MAP2K3: variants seen among roughly 807,000 people sequenced by gnomAD.
MAP2K3 encodes mitogen-activated protein kinase kinase 3.
A neutral mutation model predicts 46.4 loss-of-function variants in MAP2K3; 30 were observed. That is an observed-to-expected ratio of 0.65 (90% CI 0.48 to 0.88). The LOEUF (loss-of-function observed/expected upper bound fraction) is 0.88, where lower values mean the gene tolerates loss of function less well. Among genes scored for constraint, MAP2K3 ranks in the 40% least tolerant of loss-of-function variants. The pLI is 0.00. For synonymous variants in MAP2K3, 189 were observed against 176.3 expected, an observed-to-expected ratio of 1.07 and a Z score of -0.57; for missense variants, 380 against 464.5, an observed-to-expected ratio of 0.82 and a Z score of 1.67.
rs369450276 is a variant in MAP2K3, at chr17:21,310,959, G to A, written c.775-1183G>A. 5.3e-5 allele frequency among the ~76,000 whole-genome samples: 8 copies of A among 152,326 alleles called. No individual in the cohort carries two copies. The East Asian group carries it at 5.8e-4, about 11-fold the overall frequency. On this transcript the variant is annotated intron_variant, in intron 9 of 11. Transcript: ENST00000342679. ...GCCGCTGGTCCTTCTCCTGTAGCTC[G>A]TATGGGGTACTTGCTCTACATATTG...
intron 1 of MAP2K3, among the ~76,000 whole-genome samples, chr17:21,297,097 T>G (rs1251222558): frequency 6.6e-6 from 1 of 152,310 alleles, no homozygotes; most frequent in African/African-American, 2.4e-5. Context: ...CTATTCTGTT[T>G]CCTGTTGTTC....
At chr17:21,293,848 G>C (rs1325724535) in intron 1 of MAP2K3, among the ~76,000 whole-genome samples, 1 of 152,312 alleles carries the variant, frequency 6.6e-6, no homozygotes, top group South Asian at 2.1e-4. Context: ...TGGTTAGATG[G>C]GAGAACCTTC....
chr17:21,295,964 T>C, intron 1 of MAP2K3: 1 of 1,258,298 alleles, frequency 7.9e-7, no homozygotes, highest in Non-Finnish European at 1.0e-6. Context: ...AGGGTCTCTG[T>C]GCAGAGCTTT....
At chr17:21,297,601 G>A (rs138100344) in intron 1 of MAP2K3, among the ~76,000 whole-genome samples, 26 of 152,406 alleles carry the variant, frequency 1.7e-4, no homozygotes, top group Non-Finnish European at 2.2e-4. Flanking sequence ...TGACTACAGG[G>A]AGCTCTCTCT....
intron 3 of MAP2K3, among the ~76,000 whole-genome samples, chr17:21,299,586 G>A (rs1976471655): frequency 6.6e-6 from 1 of 152,276 alleles, no homozygotes; most frequent in African/African-American, 2.4e-5. Context: ...AGAGTATGAG[G>A]TAGGAGGATT....
At chr17:21,304,184 G>T (rs531035549) in intron 7 of MAP2K3, among the ~76,000 whole-genome samples, 3 of 152,310 alleles carry the variant, frequency 2.0e-5, no homozygotes, top group African/African-American at 7.2e-5. Context: ...TGGCCGGGCC[G>T]GGCTGGGCAC....
At chr17:21,307,251 A>G (rs1382834544) in intron 9 of MAP2K3, among the ~76,000 whole-genome samples, 2 of 152,304 alleles carry the variant, frequency 1.3e-5, no homozygotes, top group African/African-American at 4.8e-5. Context: ...GCATAAACTC[A>G]GGCTCCTTGT....
chr17:21,301,511 C>T (rs1976599054), intron 5 of MAP2K3, among the ~76,000 whole-genome samples: 1 of 152,310 alleles, frequency 6.6e-6, no homozygotes, highest in Admixed American at 6.5e-5. Flanking sequence ...TGGGCTCATA[C>T]TGGTCACTTG....
At chr17:21,286,005 G>A (rs1975713058) in intron 1 of MAP2K3, among the ~76,000 whole-genome samples, 1 of 152,172 alleles carries the variant, frequency 6.6e-6, no homozygotes, top group South Asian at 2.1e-4. Flanking sequence ...TAATGAATGG[G>A]CTGCCTCCTG....
At chr17:21,303,943 TGA>T (rs770567073) in intron 7 of MAP2K3, among the ~76,000 whole-genome samples, 17 of 152,268 alleles carry the variant, frequency 1.1e-4, no homozygotes, top group Non-Finnish European at 2.1e-4. Context: ...CACGGGGATG[TGA>T]GTGTCCTATG....
chr17:21,307,843 ATC>A (rs1976970404), intron 9 of MAP2K3, among the ~76,000 whole-genome samples: 1 of 81,480 alleles, frequency 1.2e-5, no homozygotes, highest in African/African-American at 4.7e-5. Context: ...ATGCCCGGCT[ATC>A]TTTTTTTTTT....
At chr17:21,294,594 C>T (rs913525802) in intron 1 of MAP2K3, among the ~76,000 whole-genome samples, 6 of 152,428 alleles carry the variant, frequency 3.9e-5, no homozygotes, top group Admixed American at 1.3e-4. Flanking sequence ...TCACCAGACG[C>T]CCACCGTGTG....
intron 1 of MAP2K3, among the ~76,000 whole-genome samples, chr17:21,289,805 G>C (rs1046092561): frequency 1.5e-4 from 23 of 152,200 alleles, no homozygotes; most frequent in African/African-American, 5.5e-4. Flanking sequence ...GAGGGCCCCA[G>C]ACTTTCTTCC....
intron 1 of MAP2K3, among the ~76,000 whole-genome samples, chr17:21,291,211 T>C (rs1159481348): frequency 6.6e-6 from 1 of 152,374 alleles, no homozygotes; most frequent in Non-Finnish European, 1.5e-5. Context: ...ACCACTGCAC[T>C]CCAGCCTGGG....
chr17:21,300,079 ACTTG>A (rs1343779134), intron 3 of MAP2K3, among the ~76,000 whole-genome samples: 39 of 152,286 alleles, frequency 2.6e-4, no homozygotes, highest in African/African-American at 9.2e-4. Context: ...CTGTTCATCT[ACTTG>A]CTTACTCCTT....
chr17:21,296,334 C>CA, intron 1 of MAP2K3: 1 of 531,452 alleles, frequency 1.9e-6, no homozygotes, highest in African/African-American at 2.0e-5. Context: ...CCCAGAGCCT[C>CA]AGAAGTTCAG....
chr17:21,298,322 C>T (rs1471814006), intron 1 of MAP2K3, 91 bp from the exon 2 acceptor site: 1 of 1,570,198 alleles, frequency 6.4e-7, no homozygotes, highest in East Asian at 2.2e-5. Context: ...AGGCTGGCAC[C>T]CTTGTGGGCC....
intron 9 of MAP2K3, 48 bp from the exon 10 acceptor site, chr17:21,312,094 G>A (rs553220653): frequency 7.4e-6 from 11 of 1,480,340 alleles, no homozygotes; most frequent in East Asian, 2.6e-5. Flanking sequence ...GGTGCAGAGC[G>A]TGGTTGTATC....
At chr17:21,304,292 A>G (rs1390253058) in intron 7 of MAP2K3, 134 bp from the exon 8 acceptor site, 5 of 1,520,122 alleles carry the variant, frequency 3.3e-6, no homozygotes, top group Non-Finnish European at 4.5e-6. Context: ...CCCTGGTGCA[A>G]CCTGCCCACT....
Sources: allele counts gnomAD v4.1 joint callset (sites outside exome capture counted in the v4.1 genomes callset), GRCh38; gene constraint gnomAD v4.1.1; transcripts MANE v1.5; gene names NCBI Gene and HGNC (gene_info 2026-07-23, HGNC 2026-07-21).